The following TAX1BP1 variants were observed in gnomAD, a reference collection of about 807,000 sequenced individuals.
TAX1BP1 encodes tax1-binding protein 1.
TAX1BP1 carries 62 observed loss-of-function variants against 97.7 expected under a neutral mutation model. That is an observed-to-expected ratio of 0.63 (90% CI 0.52 to 0.78). The LOEUF is 0.78. TAX1BP1 is among the 30% of genes least tolerant of loss of function. The pLI, the probability that TAX1BP1 is intolerant of heterozygous loss-of-function variation, is 0.00. For missense variants in TAX1BP1, 867 were observed against 916.1 expected (o/e 0.95, Z 0.69); for synonymous variants, 340 against 304.2 (o/e 1.12, Z -1.23).
chr7:27,754,046 A>G (rs978278583), intron 2 of TAX1BP1, among the ~76,000 whole-genome samples: 6 of 152,180 alleles, frequency 3.9e-5, no homozygotes, highest in Admixed American at 3.9e-4. Context: ...GGAAGTGCAA[A>G]GTGGTCATGT....
intron 3 of TAX1BP1, among the ~76,000 whole-genome samples, chr7:27,762,928 T>TG (rs1411142751): frequency 1.3e-5 from 2 of 152,166 alleles, no homozygotes; most frequent in East Asian, 3.8e-4. Context: ...ACTCCAGACT[T>TG]GGCGACAGAG....
chr7:27,746,644 T>C (rs932885217), intron 1 of TAX1BP1, among the ~76,000 whole-genome samples: 4 of 152,168 alleles, frequency 2.6e-5, no homozygotes, highest in South Asian at 2.1e-4. Flanking sequence ...GTTAAGTCTT[T>C]CCATGAAATA....
At chr7:27,793,015 TAGG>T (rs1789779516) in intron 9 of TAX1BP1, 48 bp from the exon 10 acceptor site, 2 of 1,483,342 alleles carry the variant, frequency 1.3e-6, no homozygotes, top group Non-Finnish European at 1.8e-6. Flanking sequence ...CTATTAACAT[TAGG>T]AGGTATCAGA....
intron 16 of TAX1BP1, 82 bp downstream of exon 16, chr7:27,827,902 A>G: frequency 7.9e-7 from 1 of 1,261,458 alleles, no homozygotes; most frequent in South Asian, 1.2e-5. Flanking sequence ...CTCATTAGAA[A>G]TGCACATGTG....
At chr7:27,785,908 A>G (rs549625346) in intron 7 of TAX1BP1, among the ~76,000 whole-genome samples, 49 of 152,288 alleles carry the variant, frequency 3.2e-4, no homozygotes, top group African/African-American at 1.0e-3. Flanking sequence ...CTTAACAGGT[A>G]GTGTGTAATA....
intron 2 of TAX1BP1, among the ~76,000 whole-genome samples, chr7:27,751,912 A>G (rs963926777): frequency 2.0e-5 from 3 of 152,116 alleles, no homozygotes; most frequent in African/African-American, 7.2e-5. Flanking sequence ...CTCAGCCTAA[A>G]TAAGTGCTGG....
At chr7:27,828,547 A>G in intron 16 of TAX1BP1, 81 bp from the exon 17 acceptor site, 1 of 1,368,000 alleles carries the variant, frequency 7.3e-7, no homozygotes, top group South Asian at 1.3e-5. Context: ...CTAACTAGAT[A>G]AATGGAACCT....
intron 4 of TAX1BP1, among the ~76,000 whole-genome samples, chr7:27,768,544 AAGTTGCC>A (rs200258685): frequency 0.016 from 2,461 of 152,050 alleles, 29 homozygotes; most frequent in Non-Finnish European, 0.027. Context: ...CTTTATTTTT[AAGTTGCC>A]AGAGTTTTGA....
chr7:27,758,077 C>T lies in TAX1BP1; in HGVS notation c.209C>T (p.Pro70Leu), dbSNP rs1788292346. The T allele has an allele frequency of 6.2e-7, 1 of 1,612,392 alleles. No homozygotes were observed. Among genetic ancestry groups the T allele is most frequent in the Admixed American group, 1.7e-5 (1 of 59,696 alleles). ...GATTATTACACGTTTTTATGGTCCC[C>T]TATGCCTGAACATTATGTGGAAGGA... is the stretch of plus-strand genomic sequence containing the variant. ...ARDYYTFLWS[P>L]MPEHYVEGST... Residue 70 changes from proline (P) to leucine (L), a missense_variant, in exon 3 of 17, where the codon CCT becomes CTT. By Grantham distance (98) the Pro-to-Leu change is moderately conservative. This residue lies in a region of TAX1BP1 where 822 missense variants were observed against 851.4 expected (regional missense o/e 0.97). Coordinates refer to ENST00000396319, the MANE Select transcript of TAX1BP1 (RefSeq NM_006024.7).
intron 15 of TAX1BP1, among the ~76,000 whole-genome samples, chr7:27,820,368 GC>G (rs1368196462): frequency 6.6e-6 from 1 of 152,040 alleles, no homozygotes; most frequent in Non-Finnish European, 1.5e-5. Flanking sequence ...GTGAGTTCTA[GC>G]TTTTATTCTC....
At chr7:27,782,328 G>T (rs975448427) in intron 5 of TAX1BP1, among the ~76,000 whole-genome samples, 2 of 151,958 alleles carry the variant, frequency 1.3e-5, no homozygotes, top group Non-Finnish European at 2.9e-5. Flanking sequence ...CCTCCACGTC[G>T]TGTGTTCAAG....
At chr7:27,788,486 T>C (rs1464525904) in intron 8 of TAX1BP1, among the ~76,000 whole-genome samples, 1 of 152,038 alleles carries the variant, frequency 6.6e-6, no homozygotes, top group Non-Finnish European at 1.5e-5. Context: ...TAATAATTAA[T>C]GATAGAAAAA....
intron 12 of TAX1BP1, among the ~76,000 whole-genome samples, chr7:27,796,933 G>A (rs984677902): frequency 6.6e-6 from 1 of 151,874 alleles, no homozygotes; most frequent in African/African-American, 2.4e-5. Flanking sequence ...GACTTGCATA[G>A]TGGAAAAGGG....
At chr7:27,803,541 A>G (rs558494661) in intron 13 of TAX1BP1, among the ~76,000 whole-genome samples, 1 of 152,292 alleles carries the variant, frequency 6.6e-6, no homozygotes, top group Non-Finnish European at 1.5e-5. Context: ...CTACAACATT[A>G]TTTGATTTTC....
At chr7:27,825,039 A>G (rs1480195114) in intron 15 of TAX1BP1, among the ~76,000 whole-genome samples, 1 of 152,184 alleles carries the variant, frequency 6.6e-6, no homozygotes, top group Non-Finnish European at 1.5e-5. Flanking sequence ...TTTCTAAAAC[A>G]GAATGCATGA....
chr7:27,769,880 C>G, intron 5 of TAX1BP1, 46 bp downstream of exon 5: 1 of 1,573,810 alleles, frequency 6.4e-7, no homozygotes, highest in Non-Finnish European at 8.7e-7. Context: ...AGTATATTGC[C>G]TGAAACCCAC....
At chr7:27,777,790 GTAA>G (rs1302410641) in intron 5 of TAX1BP1, among the ~76,000 whole-genome samples, 1 of 152,206 alleles carries the variant, frequency 6.6e-6, no homozygotes, top group East Asian at 1.9e-4. Flanking sequence ...TCTCTAGACA[GTAA>G]TAAGCTGGAG....
At position 27,828,652 on chromosome 7, in the gene TAX1BP1, C is replaced by G. The variant is rs751292434; in HGVS notation, c.2193C>G (p.Pro731=). 1.9e-6 allele frequency: 3 copies of G among 1,613,676 alleles called. No homozygotes were observed. In the South Asian group the frequency reaches 3.3e-5, roughly 18 times the overall value. Residue 731 remains proline, a synonymous_variant, in exon 17 of 17, where the codon CCC becomes CCG. Coordinates refer to ENST00000396319, the MANE Select transcript of TAX1BP1 (RefSeq NM_006024.7). ...GCTTTGATGTTCACAAGAAGTGTCC[C>G]CTCTGTGAGTTAATGTTTCCTCCTA... is the stretch of plus-strand genomic sequence containing the variant. ...DSSFDVHKKC[P]LCELMFPPNY... is the part of the protein sequence containing the mutation.
At chr7:27,752,029 T>C (rs1045867299) in intron 2 of TAX1BP1, among the ~76,000 whole-genome samples, 4 of 152,080 alleles carry the variant, frequency 2.6e-5, no homozygotes, top group African/African-American at 7.2e-5. Context: ...ATTTGAGGGA[T>C]AGTTTTTAAG....
Sources: gnomAD v4.1 joint callset for allele counts (sites outside exome capture counted in the v4.1 genomes callset) on GRCh38, gnomAD v4.1.1 for gene constraint, gnomAD v4.1.1 regional missense constraint, MANE v1.5 for transcripts, NCBI Gene and HGNC (gene_info 2026-07-23, HGNC 2026-07-21) for gene names.